Variants in PSTPIP1 observed in about 807,000 individuals in gnomAD.
PSTPIP1 encodes proline-serine-threonine phosphatase interacting protein 1.
A neutral mutation model predicts 69.6 loss-of-function variants in PSTPIP1; 66 were observed. That is an observed-to-expected ratio of 0.95 (90% CI 0.78 to 1.16). The LOEUF is 1.16. Among genes scored for constraint, PSTPIP1 ranks in the 50% most tolerant of loss-of-function variants. The pLI is 0.00. For synonymous variants in PSTPIP1, 266 were observed against 222.7 expected (o/e 1.19, Z -1.73); for missense variants, 603 against 557.4 (o/e 1.08, Z -0.82).
At chr15:77,013,916 A>C (rs1276864872) in intron 1 of PSTPIP1, among the ~76,000 whole-genome samples, 1 of 152,154 alleles carries the variant, frequency 6.6e-6, no homozygotes, top group Non-Finnish European at 1.5e-5. Context: ...CTGGTGGAGG[A>C]AGGTGTGTAG....
At position 77,027,347 on chromosome 15, in the gene PSTPIP1, G is replaced by A. The variant is rs571162751; in HGVS notation, c.355-505G>A. On this transcript the variant is annotated intron_variant, in intron 5 of 14. Coordinates refer to ENST00000558012, the MANE Select transcript of PSTPIP1 (RefSeq NM_003978.5). This position sits in a 1 kb window ranked among gnomAD's most constrained non-coding sequence, Gnocchi z 4.3. ...TGGCCACTGTGCCTGCATGTGGCCT[G>A]TGGTTGTGTGTGGGTGACTGTGGGA... 1.1e-3 allele frequency among the ~76,000 whole-genome samples: 160 copies of A among 152,318 alleles called. No individual in the cohort carries two copies. Among genetic ancestry groups the A allele is most frequent in the Non-Finnish European group, 1.7e-3 (113 of 68,016 alleles).
At chr15:77,016,981 A>C (rs1208120235) in intron 1 of PSTPIP1, among the ~76,000 whole-genome samples, 1 of 152,000 alleles carries the variant, frequency 6.6e-6, no homozygotes, top group Non-Finnish European at 1.5e-5. Flanking sequence ...TGGTCAGGGG[A>C]GCTGGGACTT....
rs773353170 is a variant in PSTPIP1 at position 77,030,563 on chromosome 15, G to A, written c.624G>A (p.Glu208=). 5 of 1,608,976 alleles carry A rather than the reference G, an allele frequency of 3.1e-6. No individual in the cohort carries two copies. In the Admixed American group the frequency reaches 5.0e-5, roughly 16 times the overall value. ...LEKVRAEWEQ[E]HRTTCEAFQL... is the part of the protein sequence containing the mutation. ...AGGTCCGGGCTGAGTGGGAGCAGGA[G>A]CACCGGACCACCTGTGAGGTGAGTG... The change falls in exon 9 of 15, where the codon GAG becomes GAA. Residue 208 remains glutamate, a synonymous_variant. Coordinates refer to ENST00000558012, the MANE Select transcript of PSTPIP1 (RefSeq NM_003978.5).
At chr15:77,028,516 C>G in intron 6 of PSTPIP1, 38 bp from the exon 7 acceptor site, 1 of 1,522,226 alleles carries the variant, frequency 6.6e-7, no homozygotes, top group South Asian at 1.2e-5. Context: ...CAGAACAGGG[C>G]TGTGCAGCCC....
chr15:77,032,959 C>G lies in PSTPIP1; in HGVS notation c.929+7C>G. The G allele has an allele frequency of 1.9e-6, 3 of 1,591,362 alleles. No homozygotes were observed. The highest frequency in any genetic ancestry group is 2.6e-6 in the Non-Finnish European group (3 of 1,169,126). The stretch of plus-strand genomic sequence containing the variant: ...CCTGCGGCATGATAAAGAGGTGAGG[C>G]CCCGACAGACGGAGGGAGGGCCTAA... On this transcript the variant is annotated splice_region_variant and intron_variant, in intron 12 of 14. Coordinates refer to ENST00000558012, the MANE Select transcript of PSTPIP1 (RefSeq NM_003978.5).
In PSTPIP1 at chr15:77,009,009, T is replaced by C. The variant is rs182012485; in HGVS notation, c.37-9139T>C. On this transcript the variant is annotated intron_variant, in intron 1 of 14. Transcript: ENST00000558012. ...GCCCGCTTCGATCCTACTACACTCA[T>C]GGGTGGTCCTGGGGAGCCCCTCAAC... is the stretch of plus-strand genomic sequence containing the variant. Among the ~76,000 whole-genome samples the C allele has an allele frequency of 1.2e-3, 180 of 152,322 alleles. 2 individuals carry two copies. The highest frequency in any genetic ancestry group is 4.2e-3 in the African/African-American group (176 of 41,560).
chr15:77,028,754 G>C, intron 7 of PSTPIP1, 102 bp downstream of exon 7: 1 of 1,037,190 alleles, frequency 9.6e-7, no homozygotes, highest in Non-Finnish European at 1.4e-6. Context: ...TCTGCATCTG[G>C]GGATGCTGCT....
intron 1 of PSTPIP1, among the ~76,000 whole-genome samples, chr15:77,004,127 T>G (rs2075768938): frequency 6.6e-6 from 1 of 152,268 alleles, no homozygotes; most frequent in South Asian, 2.1e-4. Context: ...GAGAGGAAAC[T>G]GAGCCTCTTG....
rs1410053273 is a variant in PSTPIP1 at position 77,035,662 on chromosome 15, G to GAAGTGTGTGTCCCCCAACAGC, written c.985+107_986-112dup. The GAAGTGTGTGTCCCCCAACAGC allele has an allele frequency of 2.6e-5, 39 of 1,480,948 alleles. No homozygotes were observed. The African/African-American group carries it at 3.3e-4, about 13-fold the overall frequency. 91.7% of individuals were successfully genotyped at this position (1,480,948 alleles called of 1,614,324 possible). A position where few individuals can be genotyped will look rare whatever the true frequency, so the allele number is the denominator to read the frequency against. On this transcript the variant is annotated intron_variant, in intron 13 of 14. Coordinates refer to ENST00000558012, the MANE Select transcript of PSTPIP1 (RefSeq NM_003978.5). ...ATGGGGCCACTGAGGCCCTCAAGAG[G>GAAGTGTGTGTCCCCCAACAGC]AAGTGTGTGTCCCCCAACAGCAAGT...
intron 3 of PSTPIP1, among the ~76,000 whole-genome samples, chr15:77,023,058 TG>T (rs2076195685): frequency 6.6e-6 from 1 of 152,182 alleles, no homozygotes; most frequent in Admixed American, 6.5e-5. Flanking sequence ...AGCTTTCAGG[TG>T]GGGGCTGGGA....
rs1420190742 is a variant in PSTPIP1 at position 77,031,239 on chromosome 15, C to G, written c.702C>G (p.His234Gln). Residue 234 changes from histidine (H) to glutamine (Q), a missense_variant, in exon 10 of 15, where the codon CAC becomes CAG. Physicochemically the swap from His to Gln is conservative, Grantham distance 24. Transcript: ENST00000558012. ...TTCTCCGCAACGCCCTGTGGGTGCA[C>G]AGCAACCAGCTCTCCATGCAGTGTG... is the stretch of plus-strand genomic sequence containing the variant. Reference protein sequence around the residue: ...LTILRNALWVHSNQLSMQCVK... With the variant: ...LTILRNALWVQSNQLSMQCVK... The G allele has an allele frequency of 1.4e-5, 23 of 1,613,010 alleles. No homozygotes were observed. The highest frequency in any genetic ancestry group is 1.7e-5 in the Non-Finnish European group (20 of 1,179,688).
Position 77,029,510 on chromosome 15 carries a change from T to G in PSTPIP1, c.517-19T>G. ...TCCTGGGGCAGGGGCTTAGCGCTGC[T>G]TCCCCTCTGTTTCCTCAGAGTCAGA... On this transcript the variant is annotated intron_variant, in intron 7 of 14. Coordinates refer to ENST00000558012, the MANE Select transcript of PSTPIP1 (RefSeq NM_003978.5). 1 of 1,570,074 alleles carries G rather than the reference T, an allele frequency of 6.4e-7. No individual in the cohort carries two copies. Among genetic ancestry groups the G allele is most frequent in the South Asian group, 1.2e-5 (1 of 85,268 alleles).
chr15:77,014,097 A>T (rs2076001461), intron 1 of PSTPIP1, among the ~76,000 whole-genome samples: 1 of 152,104 alleles, frequency 6.6e-6, no homozygotes, highest in South Asian at 2.1e-4. Context: ...CAGAGAGGCA[A>T]AGTAATGGGA....
chr15:77,006,154 A>G (rs1400656055), intron 1 of PSTPIP1, among the ~76,000 whole-genome samples: 1 of 152,102 alleles, frequency 6.6e-6, no homozygotes, highest in Admixed American at 6.5e-5. Flanking sequence ...TTTAAATCAT[A>G]GCCACCTTAG....
chr15:77,017,308 C>T (rs565933998), intron 1 of PSTPIP1, among the ~76,000 whole-genome samples: 1 of 152,334 alleles, frequency 6.6e-6, no homozygotes, highest in Non-Finnish European at 1.5e-5. Context: ...CTCAGACACA[C>T]ACCTGGAATC....
intron 1 of PSTPIP1, among the ~76,000 whole-genome samples, chr15:77,014,311 G>T (rs1158824234): frequency 6.6e-6 from 1 of 152,128 alleles, no homozygotes; most frequent in Admixed American, 6.5e-5. Flanking sequence ...GATTTCACTT[G>T]CTTCTCGGGT....
intron 12 of PSTPIP1, 138 bp from the exon 13 acceptor site, chr15:77,035,370 A>G (rs2152691535): frequency 1.1e-6 from 1 of 890,966 alleles, no homozygotes; most frequent in African/African-American, 1.7e-5. Context: ...AATGACATCC[A>G]TGCCTGGAGG....
intron 1 of PSTPIP1, among the ~76,000 whole-genome samples, chr15:77,006,158 A>G (rs2075811948): frequency 6.6e-6 from 1 of 151,984 alleles, no homozygotes; most frequent in African/African-American, 2.4e-5. Context: ...AATCATAGCC[A>G]CCTTAGGAGG....
chr15:77,031,074 A>G, intron 9 of PSTPIP1, 106 bp from the exon 10 acceptor site: 1 of 1,106,726 alleles, frequency 9.0e-7, no homozygotes, highest in Non-Finnish European at 1.3e-6. Flanking sequence ...GGCTTCCAGC[A>G]GAGAGGGCTG....
Sources: gnomAD v4.1 joint callset for allele counts (sites outside exome capture counted in the v4.1 genomes callset) on GRCh38, gnomAD v4.1.1 for gene constraint, Gnocchi (gnomAD v3.1) non-coding constraint, MANE v1.5 for transcripts, NCBI Gene and HGNC (gene_info 2026-07-23, HGNC 2026-07-21) for gene names.